SRGAP3: variants seen among roughly 807,000 people sequenced by gnomAD.
The protein encoded by SRGAP3 is SLIT-ROBO Rho GTPase activating protein 3, also known as SLIT-ROBO Rho GTPase-activating protein 3.
In SRGAP3, 39 loss-of-function variants were observed where a neutral mutation model predicts 121.1. The observed-to-expected ratio is 0.32, with a 90% CI of 0.25 to 0.42. The LOEUF (loss-of-function observed/expected upper bound fraction) is 0.42, where lower values mean the gene tolerates loss of function less well. SRGAP3 is among the 10% of genes least tolerant of loss of function. The pLI is 1.00. For synonymous variants in SRGAP3, 601 were observed against 570.0 expected (o/e 1.05, Z -0.77); for missense variants, 1,213 against 1,470.6 (o/e 0.82, Z 2.86).
Position 8,993,044 on chromosome 3 carries a change from A to G in SRGAP3, c.2420T>C (p.Phe807Ser), listed in dbSNP as rs1942161870. The stretch of plus-strand genomic sequence containing the variant: ...AGCCTTCTGGCTCAGGCTGTCGGAG[A>G]AGGCATCATCCCTGGGGAGAAGACA... The part of the protein sequence containing the change: ...YIVVQDMDDA[F>S]SDSLSQKADS... The change falls in exon 20 of 22, where the codon TTC (phenylalanine) becomes TCC (serine). Residue 807 changes from phenylalanine to serine, a missense_variant. Coordinates refer to ENST00000383836, the MANE Select transcript of SRGAP3 (RefSeq NM_014850.4). 4 of 1,614,088 alleles carry G rather than the reference A, an allele frequency of 2.5e-6. No individual in the cohort carries two copies. The highest frequency in any genetic ancestry group is 3.4e-6 in the Non-Finnish European group (4 of 1,180,036).
Position 9,058,301 on chromosome 3 carries a change from C to A in SRGAP3, c.973G>T (p.Val325Phe). 6.2e-7 allele frequency: 1 copy of A among 1,614,246 alleles called. No homozygotes were observed. Among genetic ancestry groups the A allele is most frequent in the Non-Finnish European group, 8.5e-7 (1 of 1,180,044 alleles). ...TCGAACTTGAGTGGAGGGCAGAAGA[C>A]TTGATTGCACATGTCCATGACTGTG... ...KHTVMDMCNQ[V>F]FCPPLKFEFQ... is the part of the protein sequence containing the mutation. The change falls in exon 7 of 22, where the codon GTC (valine) becomes TTC (phenylalanine). Residue 325 changes from valine to phenylalanine, a missense_variant. Val to Phe is a conservative substitution (Grantham distance 50). Around this residue, in one of 2 missense-constraint regions of SRGAP3, gnomAD observed 793 missense variants for 1,032.9 expected, o/e 0.77. Coordinates refer to ENST00000383836, the MANE Select transcript of SRGAP3 (RefSeq NM_014850.4).
chr3:9,181,188 C>T (rs1951386674), intron 1 of SRGAP3, among the ~76,000 whole-genome samples: 2 of 152,094 alleles, frequency 1.3e-5, no homozygotes, highest in African/African-American at 2.4e-5. Context: ...TGAAATGTAC[C>T]GGGAAGTGTC....
intron 1 of SRGAP3, among the ~76,000 whole-genome samples, chr3:9,161,072 A>G (rs531684225): frequency 3.5e-4 from 53 of 152,354 alleles, no homozygotes; most frequent in African/African-American, 1.2e-3. Flanking sequence ...ATTTGACAAA[A>G]CATGCTAAAA....
At chr3:9,188,262 C>T (rs1373782094) in intron 1 of SRGAP3, among the ~76,000 whole-genome samples, 1 of 152,112 alleles carries the variant, frequency 6.6e-6, no homozygotes, top group African/African-American at 2.4e-5. Flanking sequence ...ATTAGTTCAC[C>T]TTTCTGTTCC....
At chr3:9,074,451 T>C (rs939672019) in intron 4 of SRGAP3, among the ~76,000 whole-genome samples, 2 of 152,212 alleles carry the variant, frequency 1.3e-5, no homozygotes, top group African/African-American at 4.8e-5. Context: ...AAACCTGTGC[T>C]CTTCCAGCAC....
chr3:9,101,631 G>A (rs181929761), intron 3 of SRGAP3, among the ~76,000 whole-genome samples: 43 of 152,348 alleles, frequency 2.8e-4, no homozygotes, highest in Non-Finnish European at 5.1e-4. Context: ...GAAAACTGGA[G>A]CAGAGTTGCC....
chr3:9,279,487 G>T (rs1416394086), intron 3 of SRGAP3, among the ~76,000 whole-genome samples: 2 of 151,616 alleles, frequency 1.3e-5, no homozygotes, highest in Non-Finnish European at 2.9e-5. Context: ...TCAGTCCAAC[G>T]GGAAGCAAAA....
At chr3:9,270,522 C>T (rs1193643996) in intron 3 of SRGAP3, among the ~76,000 whole-genome samples, 1 of 152,090 alleles carries the variant, frequency 6.6e-6, no homozygotes, top group Non-Finnish European at 1.5e-5. Flanking sequence ...CAAAACTAAT[C>T]GACTTGTGCA....
At chr3:9,260,969 G>A (rs1027171091) in intron 3 of SRGAP3, among the ~76,000 whole-genome samples, 9 of 152,286 alleles carry the variant, frequency 5.9e-5, no homozygotes, top group African/African-American at 7.2e-5. Context: ...GGCATCTGGC[G>A]GGTGCCCCTC....
chr3:8,998,146 C>T (rs1942526695), intron 18 of SRGAP3, among the ~76,000 whole-genome samples: 1 of 152,188 alleles, frequency 6.6e-6, no homozygotes, highest in South Asian at 2.1e-4. Flanking sequence ...GCCTTGGCCT[C>T]CCAAAGTGCT....
chr3:9,296,031 A>G (rs536429016), intron 3 of SRGAP3, among the ~76,000 whole-genome samples: 1 of 152,316 alleles, frequency 6.6e-6, no homozygotes, highest in African/African-American at 2.4e-5. Context: ...TTCTTTATCC[A>G]TTCATCCACT....
At chr3:9,105,304 G>A (rs1948379314) in intron 2 of SRGAP3, among the ~76,000 whole-genome samples, 1 of 152,158 alleles carries the variant, frequency 6.6e-6, no homozygotes, top group Admixed American at 6.5e-5. Context: ...CTTCCCCAGG[G>A]ATTGGCTTCT....
At chr3:9,143,775 G>T (rs1395335401) in intron 1 of SRGAP3, among the ~76,000 whole-genome samples, 1 of 152,090 alleles carries the variant, frequency 6.6e-6, no homozygotes, top group Non-Finnish European at 1.5e-5. Flanking sequence ...TTCCCACGGT[G>T]AAACTCCACC....
At position 9,239,206 on chromosome 3, in the gene SRGAP3, C is replaced by T. The variant is rs1002185332; in HGVS notation, c.67+9679G>A. Among the ~76,000 whole-genome samples, 6 of 152,056 alleles carry T rather than the reference C, an allele frequency of 3.9e-5. No individual in the cohort carries two copies. The highest frequency in any genetic ancestry group is 3.3e-4 in the Admixed American group (5 of 15,266). On this transcript the variant is annotated intron_variant, in intron 1 of 21. Coordinates refer to ENST00000383836, the MANE Select transcript of SRGAP3 (RefSeq NM_014850.4). This position sits in a 1 kb window ranked among gnomAD's most constrained non-coding sequence, Gnocchi z 4.0. ...ACCAGCCTGGCCAACATGGTGATAC[C>T]CTGTCTCTACTAAAAATACAAAAAT...
intron 3 of SRGAP3, among the ~76,000 whole-genome samples, chr3:9,088,286 A>C (rs1947585477): frequency 6.6e-6 from 1 of 152,164 alleles, no homozygotes; most frequent in Non-Finnish European, 1.5e-5. Flanking sequence ...CATGGGGCCA[A>C]GGAGGGCTCA....
chr3:9,032,726 T>G lies in SRGAP3; in HGVS notation c.1463A>C (p.Gln488Pro). Reference sequence around the variant, plus strand: ...GAGAGGCCTAGGTCTCCTCATTTTCTGTGGTTTAGGGGGAAGACAGGGGGG... The same window carrying G: ...GAGAGGCCTAGGTCTCCTCATTTTCGGTGGTTTAGGGGGAAGACAGGGGGG... The part of the protein sequence containing the change: ...TRPPCLPPKP[Q>P]KMRRPRPLSV... Residue 488 changes from glutamine (Q) to proline (P), a missense_variant, in exon 12 of 22, where the codon CAG becomes CCG. By Grantham distance (76) the Gln-to-Pro change is moderately conservative. Around this residue, in one of 2 missense-constraint regions of SRGAP3, gnomAD observed 793 missense variants for 1,032.9 expected, o/e 0.77. Coordinates refer to ENST00000383836, the MANE Select transcript of SRGAP3 (RefSeq NM_014850.4). 1 of 1,608,808 alleles carries G rather than the reference T, an allele frequency of 6.2e-7. No individual in the cohort carries two copies. Among genetic ancestry groups the G allele is most frequent in the East Asian group, 2.3e-5 (1 of 44,412 alleles).
intron 2 of SRGAP3, among the ~76,000 whole-genome samples, chr3:9,114,410 C>G (rs1948733992): frequency 6.6e-6 from 1 of 152,202 alleles, no homozygotes; most frequent in Non-Finnish European, 1.5e-5. Flanking sequence ...GATAAGTGTT[C>G]TAAAACTATT....
chr3:8,996,088 T>C (rs1285706980), intron 18 of SRGAP3, among the ~76,000 whole-genome samples: 2 of 152,254 alleles, frequency 1.3e-5, no homozygotes, highest in African/African-American at 4.8e-5. Context: ...TTAGTTTTTC[T>C]TTCTGTGCCT....
intron 2 of SRGAP3, among the ~76,000 whole-genome samples, chr3:9,112,706 C>T (rs929259067): frequency 1.4e-4 from 22 of 152,204 alleles, no homozygotes; most frequent in African/African-American, 4.8e-4. Context: ...ATTTCTCCTC[C>T]TGGATGCCTC....
Sources: gnomAD v4.1 joint callset for allele counts (sites outside exome capture counted in the v4.1 genomes callset) on GRCh38, gnomAD v4.1.1 for gene constraint, gnomAD v4.1.1 regional missense constraint, Gnocchi (gnomAD v3.1) non-coding constraint, MANE v1.5 for transcripts, NCBI Gene and HGNC (gene_info 2026-07-23, HGNC 2026-07-21) for gene names.